The following NOTCH3 variants were observed in gnomAD, a reference collection of about 807,000 sequenced individuals.
NOTCH3 encodes the protein neurogenic locus notch homolog protein 3.
In NOTCH3, 86 loss-of-function variants were observed where a neutral mutation model predicts 213.3. That is an observed-to-expected ratio of 0.40 (90% CI 0.34 to 0.48). The LOEUF (loss-of-function observed/expected upper bound fraction) is 0.48. Ranked by LOEUF, NOTCH3 falls within the 20% of genes least tolerant of loss-of-function variation. The probability of loss-of-function intolerance (pLI) is 0.57; values close to 1 mark genes in which losing one functional copy is unlikely to be tolerated. For synonymous variants in NOTCH3, 1,354 were observed against 1,355.9 expected, an observed-to-expected ratio of 1.00 and a Z score of 0.03; for missense variants, 2,783 against 3,272.6, an observed-to-expected ratio of 0.85 and a Z score of 3.65.
intron 29 of NOTCH3, 59 bp downstream of exon 29, chr19:15,167,190 A>T: frequency 6.4e-7 from 1 of 1,562,380 alleles, no homozygotes; most frequent in Non-Finnish European, 8.8e-7. Context: ...AGTCAGAAAT[A>T]ACCTCTCACA....
Position 15,161,320 on chromosome 19 carries a change from TC to T in NOTCH3, c.6307del (p.Asp2103ThrfsTer46). The T allele has an allele frequency of 6.6e-7, 1 of 1,525,028 alleles. No homozygotes were observed. Among genetic ancestry groups the T allele is most frequent in the Non-Finnish European group, 8.8e-7 (1 of 1,138,204 alleles). The allele number at this position is 1,525,028 out of a possible 1,614,324, so 94.5% of individuals were successfully genotyped here. A position where few individuals can be genotyped will look rare whatever the true frequency, so the allele number is the denominator to read the frequency against. ...ADSSVTLSPV[D>X]SLDSPRPFGG... ...GAAAGGCCGCGGGGAGTCCAGCGAG[TC>T]CACGGGCGACAGCGTGACCGAGCTG... On this transcript the variant is annotated frameshift_variant, in exon 33 of 33. Transcript: ENST00000263388. LOFTEE classifies it low-confidence loss of function (END_TRUNC).
At chr19:15,177,202 TC>T (rs1158242635) in intron 24 of NOTCH3, among the ~76,000 whole-genome samples, 1 of 146,574 alleles carries the variant, frequency 6.8e-6, no homozygotes, top group Non-Finnish European at 1.5e-5. Context: ...TGAGCCGAGA[TC>T]GCGCCACTGC....
At chr19:15,168,078 T>C (rs2046700892) in intron 28 of NOTCH3, among the ~76,000 whole-genome samples, 1 of 152,042 alleles carries the variant, frequency 6.6e-6, no homozygotes, top group African/African-American at 2.4e-5. Flanking sequence ...GCTGGGACTA[T>C]AAGCACACAG....
intron 32 of NOTCH3, 22 bp from the exon 33 acceptor site, chr19:15,161,736 AGGTCAGC>A (rs1568345869): frequency 6.2e-7 from 1 of 1,608,578 alleles, no homozygotes; most frequent in Admixed American, 1.7e-5. Flanking sequence ...GAACCCACAG[AGGTCAGC>A]GAAACCCCAG....
rs1206324599 is a variant in NOTCH3, at chr19:15,188,354, G to T, written c.1379-6C>A. On this transcript the variant is annotated splice_region_variant and splice_polypyrimidine_tract_variant and intron_variant, in intron 8 of 32. Coordinates refer to ENST00000263388, the MANE Select transcript of NOTCH3 (RefSeq NM_000435.3). ...GCAATAGGTTCCTGTGAAGCCTGGG[G>T]CAGGGAATAGGGCTTAGGAAAGCGG... 3.8e-6 allele frequency: 6 copies of T among 1,577,430 alleles called. No homozygotes were observed. In the Admixed American group the frequency reaches 5.2e-5, roughly 14 times the overall value.
At chr19:15,188,539 C>T (rs1468674122) in intron 8 of NOTCH3, among the ~76,000 whole-genome samples, 191 bp from the exon 9 acceptor site, 1 of 152,122 alleles carries the variant, frequency 6.6e-6, no homozygotes, top group Non-Finnish European at 1.5e-5. Flanking sequence ...CCCAACTGGC[C>T]CAAGGCTCAT....
At chr19:15,170,891 C>T in intron 25 of NOTCH3, 66 bp from the exon 26 acceptor site, 1 of 1,552,878 alleles carries the variant, frequency 6.4e-7, no homozygotes, top group Non-Finnish European at 8.8e-7. Context: ...TGGTACCAAG[C>T]CCCACTTTCC....
At chr19:15,195,461 C>T (rs893359200) in intron 2 of NOTCH3, among the ~76,000 whole-genome samples, 1 of 151,812 alleles carries the variant, frequency 6.6e-6, no homozygotes, top group Admixed American at 6.6e-5. Flanking sequence ...ACCCTCACCC[C>T]CCTCTATCCC....
chr19:15,162,304 C>T, intron 32 of NOTCH3, 161 bp downstream of exon 32: 1 of 651,246 alleles, frequency 1.5e-6, no homozygotes, highest in East Asian at 2.8e-5. Context: ...ATTTAAGGGG[C>T]CCCCAAAAAC....
intron 10 of NOTCH3, among the ~76,000 whole-genome samples, 164 bp downstream of exon 10, chr19:15,187,717 C>T (rs1188702694): frequency 6.6e-6 from 1 of 151,990 alleles, no homozygotes; most frequent in Non-Finnish European, 1.5e-5. Context: ...CACACGTAGC[C>T]TTATGTCAGT....
In NOTCH3 at chr19:15,174,252, G is replaced by T. The variant is rs141320511; in HGVS notation, c.4552C>A (p.Leu1518Met). Residue 1518 changes from leucine to methionine, a missense_variant, in exon 25 of 33, where the codon CTG (leucine) becomes ATG (methionine). Leu to Met is a conservative substitution (Grantham distance 15, BLOSUM62 2). Around this residue, in one of 6 missense-constraint regions of NOTCH3, gnomAD observed 636 missense variants for 801.8 expected, o/e 0.79. Coordinates refer to ENST00000263388, the MANE Select transcript of NOTCH3 (RefSeq NM_000435.3). ...LARGVLVLTVLLPPEELLRSS... is the reference protein window; with the variant it reads ...LARGVLVLTVMLPPEELLRSS... ...CGCAGTAGCTCCTCTGGCGGCAGCAGCACTGTGAGCACCAGCACGCCGCGG... is the reference window on the plus strand; with the variant it reads ...CGCAGTAGCTCCTCTGGCGGCAGCATCACTGTGAGCACCAGCACGCCGCGG... 1.6e-3 allele frequency: 2,490 copies of T among 1,585,906 alleles called. 20 individuals are homozygous for T. The highest frequency in any genetic ancestry group is 0.014 in the Admixed American group (762 of 55,834).
chr19:15,180,595 AC>A, intron 19 of NOTCH3, 85 bp downstream of exon 19: 1 of 1,465,424 alleles, frequency 6.8e-7, no homozygotes, highest in South Asian at 1.2e-5. Flanking sequence ...GCTCTGTGGC[AC>A]CCCCATTCGG....
rs2046870487 is a variant in NOTCH3, at chr19:15,185,130, A to T, written c.2297-111T>A. The T allele has an allele frequency of 1.4e-6, 2 of 1,390,492 alleles. No individual in the cohort carries two copies. Among genetic ancestry groups the T allele is most frequent in the African/African-American group, 2.8e-5 (2 of 70,358 alleles). The allele number at this position is 1,390,492 out of a possible 1,614,324, so 86.1% of individuals were successfully genotyped here. The stretch of plus-strand genomic sequence containing the variant: ...TCCCCACCTTGATACCCACCTCCCA[A>T]GCTCCTGGAGGGAAATGATTGAAAG... On this transcript the variant is annotated intron_variant, in intron 14 of 32. Coordinates refer to ENST00000263388, the MANE Select transcript of NOTCH3 (RefSeq NM_000435.3). This position sits in a 1 kb window ranked among gnomAD's most constrained non-coding sequence, Gnocchi z 4.2.
chr19:15,195,193 T>C (rs1344600620), intron 2 of NOTCH3, among the ~76,000 whole-genome samples: 1 of 151,916 alleles, frequency 6.6e-6, no homozygotes, highest in East Asian at 1.9e-4. Context: ...TCAAGTCCCT[T>C]CTCTGGGACT....
chr19:15,171,426 T>C (rs2238642), intron 25 of NOTCH3, among the ~76,000 whole-genome samples: 119,722 of 152,132 alleles, frequency 0.79, 48,362 homozygotes, highest in Non-Finnish European at 0.89. Flanking sequence ...CAGAGCTCAC[T>C]GTAGCCTTGA....
intron 20 of NOTCH3, 183 bp from the exon 21 acceptor site, chr19:15,179,679 C>T (rs1407132811): frequency 1.4e-5 from 9 of 661,886 alleles, no homozygotes; most frequent in Middle Eastern, 3.6e-4. Context: ...ATCAGGAGTT[C>T]GAGACCAGCC....
At chr19:15,163,199 C>G (rs1350879128) in intron 31 of NOTCH3, among the ~76,000 whole-genome samples, 2 of 152,154 alleles carry the variant, frequency 1.3e-5, no homozygotes, top group Non-Finnish European at 2.9e-5. Context: ...GCCACCGTGC[C>G]CAACCTACAT....
intron 31 of NOTCH3, 32 bp from the exon 32 acceptor site, chr19:15,162,594 A>C (rs2046654087): frequency 6.4e-7 from 1 of 1,571,618 alleles, no homozygotes; most frequent in Non-Finnish European, 8.8e-7. Context: ...GGTCAGGACC[A>C]GGCACCTGTC....
chr19:15,178,204 A>G (rs1472558223), intron 23 of NOTCH3, 114 bp from the exon 24 acceptor site: 2 of 650,614 alleles, frequency 3.1e-6, no homozygotes, highest in African/African-American at 3.8e-5. Flanking sequence ...GAGGGGGAAG[A>G]GAAGAGGTCA....
Sources: allele counts gnomAD v4.1 joint callset (sites outside exome capture counted in the v4.1 genomes callset), GRCh38; gene constraint gnomAD v4.1.1; regional missense constraint gnomAD v4.1.1; non-coding constraint Gnocchi (gnomAD v3.1); transcripts MANE v1.5; gene names NCBI Gene and HGNC (gene_info 2026-07-23, HGNC 2026-07-21).